FAF1: variants seen among roughly 807,000 people sequenced by gnomAD.
FAF1 encodes Fas associated factor 1.
Under a neutral mutation model 92.5 loss-of-function variants are expected in FAF1, and 25 were observed. That is an observed-to-expected ratio of 0.27 (90% confidence interval 0.20 to 0.38). The LOEUF is 0.38. Ranked by LOEUF, FAF1 falls within the 10% of genes least tolerant of loss-of-function variation. The pLI, the probability that FAF1 is intolerant of heterozygous loss-of-function variation, is 1.00. For missense variants in FAF1, 636 were observed against 793.3 expected (o/e 0.80, Z 2.38); for synonymous variants, 234 against 273.2 (o/e 0.86, Z 1.42).
intron 7 of FAF1, among the ~76,000 whole-genome samples, chr1:50,660,357 C>G (rs139750618): frequency 6.6e-6 from 1 of 152,174 alleles, no homozygotes; most frequent in Admixed American, 6.5e-5. Flanking sequence ...TCCTTGTGAG[C>G]TAAATATCTA....
intron 7 of FAF1, among the ~76,000 whole-genome samples, chr1:50,672,480 G>A (rs1200180703): frequency 1.3e-5 from 2 of 151,788 alleles, no homozygotes; most frequent in Non-Finnish European, 2.9e-5. Context: ...ATGGGATTTC[G>A]CCATGTTGCG....
intron 13 of FAF1, 103 bp downstream of exon 13, chr1:50,566,974 G>GA: frequency 1.2e-6 from 1 of 820,952 alleles, no homozygotes; most frequent in Non-Finnish European, 1.8e-6. Context: ...TGCAATGGTA[G>GA]AGAGTTTAAT....
chr1:50,816,527 A>G (rs781452064), intron 2 of FAF1, among the ~76,000 whole-genome samples: 1 of 152,020 alleles, frequency 6.6e-6, no homozygotes. Context: ...TAACGGGGCT[A>G]TTTGTTTTTT....
intron 7 of FAF1, among the ~76,000 whole-genome samples, chr1:50,661,000 A>G (rs1655346447): frequency 6.6e-6 from 1 of 152,186 alleles, no homozygotes; most frequent in Non-Finnish European, 1.5e-5. Context: ...CAAGACAAGG[A>G]AGTAATGAGA....
intron 1 of FAF1, among the ~76,000 whole-genome samples, chr1:50,959,224 C>T (rs1042951532): frequency 1.3e-5 from 2 of 152,140 alleles, no homozygotes; most frequent in Non-Finnish European, 2.9e-5. Context: ...TATCTTCTTA[C>T]CCTCCAAAGA....
chr1:50,581,929 C>G (rs998283949), intron 12 of FAF1, among the ~76,000 whole-genome samples: 2 of 151,428 alleles, frequency 1.3e-5, no homozygotes, highest in Non-Finnish European at 2.9e-5. Context: ...TGACAACATA[C>G]AAATAGTGAT....
chr1:50,565,658 G>A (rs1007051899), intron 13 of FAF1, among the ~76,000 whole-genome samples: 5 of 151,992 alleles, frequency 3.3e-5, no homozygotes, highest in Admixed American at 3.3e-4. Flanking sequence ...ATAAAAAAAA[G>A]AAACCCTCAA....
At chr1:50,940,371 A>G (rs1361122732) in intron 1 of FAF1, among the ~76,000 whole-genome samples, 2 of 152,258 alleles carry the variant, frequency 1.3e-5, no homozygotes, top group African/African-American at 2.4e-5. Flanking sequence ...CTAAAATACA[A>G]TGCAGTTTAC....
chr1:50,623,998 G>T (rs1417259930), intron 8 of FAF1, among the ~76,000 whole-genome samples: 3 of 150,056 alleles, frequency 2.0e-5, no homozygotes, highest in Admixed American at 6.6e-5. Flanking sequence ...GGAAGAAGAA[G>T]GAAGAAGAAG....
At chr1:50,881,091 G>C (rs889035581) in intron 1 of FAF1, among the ~76,000 whole-genome samples, 1 of 152,156 alleles carries the variant, frequency 6.6e-6, no homozygotes, top group Non-Finnish European at 1.5e-5. Flanking sequence ...AGCTCCCCAG[G>C]TGATTCTAAT....
At chr1:50,553,465 C>T (rs111834465) in intron 13 of FAF1, among the ~76,000 whole-genome samples, 2,021 of 152,244 alleles carry the variant, frequency 0.013, 16 homozygotes, top group Middle Eastern at 0.058. Context: ...CCCAAATGAT[C>T]TTGTCAATCA....
chr1:50,860,441 G>C (rs1248100443), intron 1 of FAF1, among the ~76,000 whole-genome samples: 1 of 151,582 alleles, frequency 6.6e-6, no homozygotes, highest in African/African-American at 2.4e-5. Context: ...ATGGGCAAAG[G>C]ACATGAACAG....
chr1:50,641,436 T>C (rs1049468203), intron 8 of FAF1, among the ~76,000 whole-genome samples: 2 of 152,222 alleles, frequency 1.3e-5, no homozygotes. Flanking sequence ...ATTTCTTCTT[T>C]GACTCATGAA....
intron 4 of FAF1, among the ~76,000 whole-genome samples, chr1:50,754,832 T>C (rs1429183458): frequency 2.0e-5 from 3 of 152,126 alleles, no homozygotes; most frequent in Non-Finnish European, 4.4e-5. Context: ...AGTCACATCT[T>C]ACATGAATGG....
chr1:50,687,827 C>T (rs888481152), intron 7 of FAF1, among the ~76,000 whole-genome samples: 2 of 151,914 alleles, frequency 1.3e-5, no homozygotes, highest in African/African-American at 4.8e-5. Context: ...ACCACTTTAC[C>T]TCCATTAGAA....
intron 17 of FAF1, 28 bp from the exon 18 acceptor site, chr1:50,475,707 A>C (rs1260641318): frequency 6.5e-7 from 1 of 1,528,002 alleles, no homozygotes; most frequent in Non-Finnish European, 9.0e-7. Flanking sequence ...CAGGTGTTAA[A>C]ATGTGAGAAG....
chr1:50,919,933 T>C (rs1021710440), intron 1 of FAF1, among the ~76,000 whole-genome samples: 1 of 152,140 alleles, frequency 6.6e-6, no homozygotes, highest in African/African-American at 2.4e-5. Flanking sequence ...TCATACTGTA[T>C]CAACTCACCT....
intron 18 of FAF1, among the ~76,000 whole-genome samples, chr1:50,453,052 T>C (rs771896037): frequency 7.2e-5 from 11 of 152,170 alleles, no homozygotes; most frequent in Non-Finnish European, 1.2e-4. Flanking sequence ...ATAGTTCCCT[T>C]TTGCTTTGGC....
chr1:50,790,726 C>T (rs1661534050), intron 3 of FAF1, among the ~76,000 whole-genome samples: 1 of 151,982 alleles, frequency 6.6e-6, no homozygotes, highest in South Asian at 2.1e-4. Context: ...AACATCTTTC[C>T]TCTCAACCTG....
Sources: gnomAD v4.1 joint callset for allele counts (sites outside exome capture counted in the v4.1 genomes callset) on GRCh38, gnomAD v4.1.1 for gene constraint, MANE v1.5 for transcripts, NCBI Gene and HGNC (gene_info 2026-07-23, HGNC 2026-07-21) for gene names.